Variants in PDE1A observed in about 807,000 individuals in gnomAD.
PDE1A encodes phosphodiesterase 1A.
In PDE1A, 35 loss-of-function variants were observed where a neutral mutation model predicts 61.7. That is an observed-to-expected ratio of 0.57 (90% CI 0.43 to 0.75). The LOEUF is 0.75. Among genes scored for constraint, PDE1A ranks in the 30% least tolerant of loss-of-function variants. The pLI, the probability that PDE1A is intolerant of heterozygous loss-of-function variation, is 0.00. For synonymous variants in PDE1A, 232 were observed against 213.2 expected, an observed-to-expected ratio of 1.09 and a Z score of -0.77; for missense variants, 597 against 630.6, an observed-to-expected ratio of 0.95 and a Z score of 0.57.
intron 2 of PDE1A, among the ~76,000 whole-genome samples, chr2:182,511,488 C>CA (rs1192681427): frequency 6.6e-6 from 1 of 152,138 alleles, no homozygotes; most frequent in Non-Finnish European, 1.5e-5. Context: ...CCCCATGACA[C>CA]ATACTGACTT....
chr2:182,283,578 C>A (rs986680603), intron 1 of PDE1A, among the ~76,000 whole-genome samples: 4 of 151,822 alleles, frequency 2.6e-5, no homozygotes, highest in African/African-American at 4.8e-5. Flanking sequence ...TAAAAAAAAT[C>A]TTTTCAACTT....
chr2:182,418,182 A>C (rs1455378859), intron 1 of PDE1A, among the ~76,000 whole-genome samples: 1 of 152,128 alleles, frequency 6.6e-6, no homozygotes, highest in Admixed American at 6.6e-5. Context: ...TTTGGAATGG[A>C]ATTGCCCAAA....
intron 1 of PDE1A, among the ~76,000 whole-genome samples, chr2:182,279,745 TTCTC>T: frequency 6.6e-6 from 1 of 152,024 alleles, no homozygotes; most frequent in East Asian, 1.9e-4. Context: ...TAATTTCTCT[TTCTC>T]TCTACCTATC....
rs368460012 is a variant in PDE1A at position 182,510,003 on chromosome 2, G to C, written c.101+12273C>G. Among the ~76,000 whole-genome samples the C allele has an allele frequency of 1.3e-4, 20 of 152,180 alleles. No individual in the cohort carries two copies. The East Asian group carries it at 1.7e-3, about 13-fold the overall frequency. ...TTGACCTCAGGTTTCTTCTCCTGGA[G>C]ACTCTGGTGCTTAGAGATTTTACTA... On this transcript the variant is annotated intron_variant, in intron 2 of 14. Coordinates refer to the PDE1A transcript ENST00000410103.
chr2:182,569,872 C>G, the PDE1A span, among the ~76,000 whole-genome samples: 1 of 152,134 alleles, frequency 6.6e-6, no homozygotes. Context: ...AAGTTCTAGC[C>G]TTTCTTCAAT....
Position 182,148,681 on chromosome 2 carries a change from A to G in PDE1A, c.1517-1529T>C, listed in dbSNP as rs1037151282. ...CTTGAGGCATTTGTTTCCATGAATG[A>G]CTGGAAGAAAAGCTGAAATCTACAC... is the stretch of plus-strand genomic sequence containing the variant. On this transcript the variant is annotated intron_variant, in intron 13 of 13. Coordinates refer to the PDE1A transcript ENST00000409365. Among the ~76,000 whole-genome samples the G allele has an allele frequency of 1.1e-3, 169 of 149,920 alleles. 1 individual carries two copies. The highest frequency in any genetic ancestry group is 4.1e-3 in the African/African-American group (168 of 40,638).
chr2:182,535,540 T>A, the PDE1A span, among the ~76,000 whole-genome samples: 1 of 152,290 alleles, frequency 6.6e-6, no homozygotes, highest in South Asian at 2.1e-4. Flanking sequence ...TCCAATTAAC[T>A]TATTGAATTT....
At chr2:182,506,038 C>T (rs763847372) in intron 2 of PDE1A, among the ~76,000 whole-genome samples, 8 of 152,114 alleles carry the variant, frequency 5.3e-5, no homozygotes, top group Admixed American at 6.5e-5. Flanking sequence ...GAAAGGAACC[C>T]GTTAATCTAT....
chr2:182,660,957 A>G, the PDE1A span, among the ~76,000 whole-genome samples: 1 of 152,228 alleles, frequency 6.6e-6, no homozygotes, highest in South Asian at 2.1e-4. Context: ...TTACATAGCA[A>G]TAGAAAACTA....
At chr2:182,422,882 C>A (rs999824464) in intron 1 of PDE1A, among the ~76,000 whole-genome samples, 44 of 152,080 alleles carry the variant, frequency 2.9e-4, no homozygotes, top group African/African-American at 9.9e-4. Context: ...ATGCTGAGGA[C>A]CTTAGTATTA....
intron 13 of PDE1A, among the ~76,000 whole-genome samples, chr2:182,162,610 G>A (rs1015974233): frequency 3.9e-5 from 6 of 152,118 alleles, no homozygotes; most frequent in Middle Eastern, 3.2e-3. Flanking sequence ...AATTTATACT[G>A]TTAATCTTTC....
the PDE1A span, among the ~76,000 whole-genome samples, chr2:182,617,626 T>C: frequency 1.3e-5 from 2 of 152,222 alleles, no homozygotes; most frequent in Non-Finnish European, 2.9e-5. Context: ...TGTGGCCTAT[T>C]CAGTTCACCC....
intron 2 of PDE1A, among the ~76,000 whole-genome samples, chr2:182,462,657 G>GA (rs199669393): frequency 1.7e-4 from 26 of 151,406 alleles, no homozygotes; most frequent in Non-Finnish European, 3.5e-4. Flanking sequence ...AAGGATAAGG[G>GA]AAAAAAAAGG....
the PDE1A span, among the ~76,000 whole-genome samples, chr2:182,686,071 T>C: frequency 2.4e-3 from 359 of 152,310 alleles, 1 homozygote; most frequent in Non-Finnish European, 4.3e-3. Context: ...TATATACCCT[T>C]CTTTTCCTTC....
chr2:182,353,498 T>C (rs1005885625), intron 1 of PDE1A, among the ~76,000 whole-genome samples: 2 of 152,126 alleles, frequency 1.3e-5, no homozygotes, highest in Admixed American at 1.3e-4. Context: ...TGTTATAGCA[T>C]TATCTGTGGA....
chr2:182,599,986 C>T, the PDE1A span, among the ~76,000 whole-genome samples: 1 of 152,138 alleles, frequency 6.6e-6, no homozygotes, highest in Non-Finnish European at 1.5e-5. Context: ...CAGGAAAGTC[C>T]CTTGAAGCCT....
chr2:182,697,272 T>C, the PDE1A span, among the ~76,000 whole-genome samples: 1 of 152,200 alleles, frequency 6.6e-6, no homozygotes, highest in East Asian at 1.9e-4. Flanking sequence ...ACACCAAAGT[T>C]TGCATGTCGA....
chr2:182,560,251 C>T, the PDE1A span, among the ~76,000 whole-genome samples: 1 of 134,282 alleles, frequency 7.4e-6, no homozygotes, highest in African/African-American at 2.8e-5. Context: ...GTGTGATGTT[C>T]CCCTTCCTGT....
intron 10 of PDE1A, among the ~76,000 whole-genome samples, chr2:182,197,662 TC>T (rs1187413191): frequency 1.3e-5 from 2 of 151,896 alleles, no homozygotes; most frequent in Non-Finnish European, 2.9e-5. Context: ...GACTTTCCTT[TC>T]CCCATGTAGT....
Sources: allele counts gnomAD v4.1 joint callset (sites outside exome capture counted in the v4.1 genomes callset), GRCh38; gene constraint gnomAD v4.1.1; transcripts MANE v1.5; gene names NCBI Gene and HGNC (gene_info 2026-07-23, HGNC 2026-07-21).